Variants in RMST observed in about 807,000 individuals in gnomAD.
The protein encoded by RMST is long intergenic non-protein coding RNA 54.
chr12:97,523,981 C>T (rs1377690421), intron 10 of RMST, among the ~76,000 whole-genome samples: 4 of 143,300 alleles, frequency 2.8e-5, no homozygotes, highest in Admixed American at 1.5e-4. Context: ...GAGACTGAAG[C>T]GGGAGAATGG....
chr12:97,509,203 G>A (rs956175195), intron 10 of RMST, among the ~76,000 whole-genome samples: 14 of 152,148 alleles, frequency 9.2e-5, no homozygotes, highest in Admixed American at 3.9e-4. Flanking sequence ...TAGAAAGGGA[G>A]CATTATCAAT....
At chr12:97,497,269 G>A (rs576859474) in intron 10 of RMST, among the ~76,000 whole-genome samples, 3 of 152,306 alleles carry the variant, frequency 2.0e-5, no homozygotes, top group Non-Finnish European at 4.4e-5. Context: ...ACTGTACCTA[G>A]AATCTTTTCA....
At chr12:97,482,089 C>A (rs769751265) in intron 5 of RMST, among the ~76,000 whole-genome samples, 12 of 152,116 alleles carry the variant, frequency 7.9e-5, no homozygotes, top group Non-Finnish European at 1.8e-4. Flanking sequence ...ACATACATGC[C>A]TTAAGGAATC....
chr12:97,553,949 C>CTTTTTTTTTT (rs756008010), intron 11 of RMST, among the ~76,000 whole-genome samples: 15 of 120,260 alleles, frequency 1.2e-4, no homozygotes, highest in Admixed American at 1.7e-4. Flanking sequence ...TTTTCTTTCT[C>CTTTTTTTTTT]TTTTTTTTTT....
At chr12:97,540,166 G>C (rs113258996) in intron 11 of RMST, among the ~76,000 whole-genome samples, 35 of 151,778 alleles carry the variant, frequency 2.3e-4, no homozygotes, top group African/African-American at 8.2e-4. Flanking sequence ...TCTAACCACA[G>C]TCACAGCTTT....
In RMST at chr12:97,528,200, T is replaced by C. The variant is rs116219825; in HGVS notation, n.1341-2455T>C. ...CTAATTCTACAAAACATATTTTCGATTTTAACACTTCTCCATCCAGTCTTT... is the reference window on the plus strand; with the variant it reads ...CTAATTCTACAAAACATATTTTCGACTTTAACACTTCTCCATCCAGTCTTT... On this transcript the variant is annotated intron_variant and non_coding_transcript_variant, in intron 10 of 13. Coordinates refer to ENST00000640149, the Ensembl canonical transcript of RMST. Among the ~76,000 whole-genome samples, 1,453 of 152,244 alleles carry C rather than the reference T, an allele frequency of 9.5e-3. 25 individuals are homozygous for C. Among genetic ancestry groups the C allele is most frequent in the African/African-American group, 0.033 (1,385 of 41,558 alleles).
chr12:97,498,519 ATAT>A (rs1877718019), intron 10 of RMST, among the ~76,000 whole-genome samples: 1 of 152,176 alleles, frequency 6.6e-6, no homozygotes, highest in Admixed American at 6.5e-5. Flanking sequence ...ATGATCTTTA[ATAT>A]TGTTGTTATT....
At chr12:97,488,949 T>C (rs1325205157) in intron 5 of RMST, among the ~76,000 whole-genome samples, 1 of 152,108 alleles carries the variant, frequency 6.6e-6, no homozygotes, top group Non-Finnish European at 1.5e-5. Context: ...AGCACTCAGA[T>C]TATTGAGAAG....
chr12:97,477,530 T>G (rs554715578), intron 5 of RMST, among the ~76,000 whole-genome samples: 5 of 152,184 alleles, frequency 3.3e-5, no homozygotes, highest in Admixed American at 3.3e-4. Flanking sequence ...AACAACAACA[T>G]CAGCACAATT....
At chr12:97,541,720 T>TAA (rs139035988) in intron 11 of RMST, among the ~76,000 whole-genome samples, 33 of 137,320 alleles carry the variant, frequency 2.4e-4, no homozygotes, top group African/African-American at 7.7e-4. Flanking sequence ...GAGGCAGATT[T>TAA]AAAAAAAAAG....
intron 10 of RMST, among the ~76,000 whole-genome samples, chr12:97,519,115 T>C (rs563890983): frequency 1.3e-5 from 2 of 152,272 alleles, no homozygotes; most frequent in African/African-American, 4.8e-5. Flanking sequence ...TATATCTTTA[T>C]CCCTCAATGG....
In RMST at chr12:97,522,822, G is replaced by GA. The variant is rs977324321; in HGVS notation, n.1341-7827dup. 5.3e-5 allele frequency among the ~76,000 whole-genome samples: 8 copies of GA among 152,232 alleles called. No homozygotes were observed. In the South Asian group the frequency reaches 8.3e-4, roughly 16 times the overall value. On this transcript the variant is annotated intron_variant and non_coding_transcript_variant, in intron 10 of 13. Coordinates refer to ENST00000640149, the Ensembl canonical transcript of RMST. ...CCATAAATTTCAGTCAAAAAAGCCT[G>GA]AAAAAACAAAACATCGAGTGAGATC...
intron 11 of RMST, among the ~76,000 whole-genome samples, chr12:97,539,263 G>C (rs1045090730): frequency 6.6e-6 from 1 of 151,572 alleles, no homozygotes; most frequent in African/African-American, 2.4e-5. Context: ...AATTCTTGGA[G>C]ATGAAGAATT....
exon 14 of RMST, chr12:97,564,827 G>A (rs1565941903): frequency 6.6e-6 from 1 of 152,026 alleles, no homozygotes; most frequent in South Asian, 2.1e-4. Context: ...CCTCCTTTCC[G>A]TATGTGGCCT....
intron 5 of RMST, among the ~76,000 whole-genome samples, chr12:97,475,414 A>G (rs918440983): frequency 6.6e-6 from 1 of 152,176 alleles, no homozygotes; most frequent in Non-Finnish European, 1.5e-5. Flanking sequence ...GAGAAGCAGC[A>G]ACCTCTGTGG....
At chr12:97,543,235 T>C (rs1882686773) in intron 11 of RMST, among the ~76,000 whole-genome samples, 1 of 152,032 alleles carries the variant, frequency 6.6e-6, no homozygotes, top group Non-Finnish European at 1.5e-5. Flanking sequence ...GAGCATTCCT[T>C]CCAGGAGGAA....
At chr12:97,495,782 A>C (rs550861559) in intron 9 of RMST, 1 of 152,150 alleles carries the variant, frequency 6.6e-6, no homozygotes, top group African/African-American at 2.4e-5. Flanking sequence ...AATTATCTTC[A>C]ATGTGAAGAA....
exon 9 of RMST, chr12:97,494,709 C>T (rs1239011578): frequency 2.0e-5 from 3 of 152,004 alleles, no homozygotes; most frequent in Non-Finnish European, 2.9e-5. Context: ...GCTGAAACCA[C>T]CACGGTTGTT....
intron 5 of RMST, among the ~76,000 whole-genome samples, chr12:97,474,085 C>T (rs1295130457): frequency 2.0e-5 from 3 of 152,050 alleles, no homozygotes; most frequent in African/African-American, 7.2e-5. Context: ...ATTCTGTGAG[C>T]TGGGGAAGAC....
Sources: gnomAD v4.1 joint callset for allele counts (sites outside exome capture counted in the v4.1 genomes callset) on GRCh38, gnomAD v4.1.1 for gene constraint, MANE v1.5 for transcripts, NCBI Gene and HGNC (gene_info 2026-07-23, HGNC 2026-07-21) for gene names.